SPATA6: variants seen among roughly 807,000 people sequenced by gnomAD.
The protein encoded by SPATA6 is spermatogenesis-associated protein 6.
SPATA6 carries 56 observed loss-of-function variants against 65.3 expected under a neutral mutation model. The ratio of observed to expected loss-of-function variants is 0.86; its 90% CI spans 0.69 to 1.07. SPATA6 has a LOEUF of 1.07. Among genes scored for constraint, SPATA6 ranks in the 50% least tolerant of loss-of-function variants. The pLI is 0.00. For synonymous variants in SPATA6, 199 were observed against 213.2 expected (o/e 0.93, Z 0.58); for missense variants, 590 against 594.8 (o/e 0.99, Z 0.08).
intron 5 of SPATA6, among the ~76,000 whole-genome samples, chr1:48,406,841 G>A (rs1651758743): frequency 6.6e-6 from 1 of 152,128 alleles, no homozygotes. Context: ...AGGTTACTCA[G>A]TTCATCCATG....
chr1:48,357,086 T>C (rs1646682806), intron 10 of SPATA6, among the ~76,000 whole-genome samples: 1 of 152,156 alleles, frequency 6.6e-6, no homozygotes, highest in Non-Finnish European at 1.5e-5. Context: ...TCCACTAGTC[T>C]GTGCTGTGGA....
downstream of SPATA6, among the ~76,000 whole-genome samples, chr1:48,294,357 G>A (rs540941427): frequency 5.9e-5 from 9 of 152,258 alleles, no homozygotes; most frequent in South Asian, 1.0e-3. Flanking sequence ...GATTACAGGC[G>A]TGAGCCACTG....
intron 10 of SPATA6, among the ~76,000 whole-genome samples, chr1:48,357,074 GATCCACTAGT>G (rs1646682547): frequency 6.6e-6 from 1 of 152,080 alleles, no homozygotes; most frequent in Non-Finnish European, 1.5e-5. Flanking sequence ...ACTATTAGAG[GATCCACTAGT>G]CTGTGCTGTG....
At chr1:48,277,919 G>A in the SPATA6 span, among the ~76,000 whole-genome samples, 1 of 152,218 alleles carries the variant, frequency 6.6e-6, no homozygotes, top group Admixed American at 6.5e-5. Flanking sequence ...CAGCCTAACT[G>A]GGAGGCACCC....
At chr1:48,452,508 C>T (rs571307500) in intron 2 of SPATA6, among the ~76,000 whole-genome samples, 4 of 151,926 alleles carry the variant, frequency 2.6e-5, no homozygotes, top group East Asian at 3.9e-4. Flanking sequence ...CTCAGCCTCC[C>T]GAGTAAGTGG....
chr1:48,373,024 G>A (rs1182614243), intron 9 of SPATA6, among the ~76,000 whole-genome samples: 3 of 152,166 alleles, frequency 2.0e-5, no homozygotes, highest in African/African-American at 7.2e-5. Context: ...GACATGACCT[G>A]GAGACATTTT....
rs566664663 is a variant in SPATA6, at chr1:48,326,474, T to C, written c.1195-20596A>G. Among the ~76,000 whole-genome samples, 18 of 147,760 alleles carry C rather than the reference T, an allele frequency of 1.2e-4. No individual in the cohort carries two copies. In the East Asian group the frequency reaches 3.4e-3, roughly 28 times the overall value. ...CACAATTCCTATCCAATTACCAACA[T>C]CATTTTTTAAAGAATTAGAAAAAAT... On this transcript the variant is annotated intron_variant, in intron 11 of 12. Coordinates refer to ENST00000371847, the MANE Select transcript of SPATA6 (RefSeq NM_019073.4).
intron 9 of SPATA6, among the ~76,000 whole-genome samples, chr1:48,362,800 T>G (rs1054175893): frequency 6.6e-6 from 1 of 152,004 alleles, no homozygotes; most frequent in Non-Finnish European, 1.5e-5. Context: ...CAAGAAAAGA[T>G]GAGCAAAGAT....
chr1:48,281,051 T>C, the SPATA6 span, among the ~76,000 whole-genome samples: 1 of 152,236 alleles, frequency 6.6e-6, no homozygotes, highest in Admixed American at 6.5e-5. Context: ...ATAAACATAA[T>C]CCAGCATATA....
At chr1:48,334,463 T>C (rs1244268187) in intron 11 of SPATA6, among the ~76,000 whole-genome samples, 1 of 152,148 alleles carries the variant, frequency 6.6e-6, no homozygotes, top group Non-Finnish European at 1.5e-5. Flanking sequence ...ATCCCTGGGA[T>C]GCAAGGTTAG....
intron 11 of SPATA6, among the ~76,000 whole-genome samples, chr1:48,334,484 G>A (rs1317180849): frequency 6.6e-6 from 1 of 152,070 alleles, no homozygotes; most frequent in Non-Finnish European, 1.5e-5. Context: ...TTCAACATAT[G>A]CAAATCAATA....
rs1644834903 is a variant in SPATA6, at chr1:48,297,408, C to T, written c.*1305G>A. On this transcript the variant is annotated 3_prime_UTR_variant, in exon 13 of 13. Coordinates refer to ENST00000371847, the MANE Select transcript of SPATA6 (RefSeq NM_019073.4). The stretch of plus-strand genomic sequence containing the variant: ...CTGGCTCATAGAGATAGCTCTAATG[C>T]CCTTTCTGATATATCACAGACTGTG... The T allele has an allele frequency of 6.6e-6, 1 of 151,990 alleles. No homozygotes were observed. Among genetic ancestry groups the T allele is most frequent in the African/African-American group, 2.4e-5 (1 of 41,378 alleles). 9.4% of individuals were successfully genotyped at this position (151,990 alleles called of 1,614,324 possible).
intron 9 of SPATA6, among the ~76,000 whole-genome samples, chr1:48,380,252 A>C (rs914259083): frequency 2.6e-5 from 4 of 152,216 alleles, no homozygotes; most frequent in African/African-American, 9.7e-5. Context: ...ATATTTATTA[A>C]CTAACTACTA....
chr1:48,364,409 G>C (rs910501699), intron 9 of SPATA6, among the ~76,000 whole-genome samples: 1 of 152,186 alleles, frequency 6.6e-6, no homozygotes, highest in South Asian at 2.1e-4. Context: ...CTAGTTTACA[G>C]TCCCACCAAC....
chr1:48,436,088 C>G (rs1654912507), intron 3 of SPATA6: 4 of 1,609,824 alleles, frequency 2.5e-6, no homozygotes, highest in Non-Finnish European at 3.4e-6. Context: ...TCCTGGTCAC[C>G]TCCATCCACT....
chr1:48,311,248 A>G (rs928654877), intron 11 of SPATA6, among the ~76,000 whole-genome samples: 11 of 152,166 alleles, frequency 7.2e-5, no homozygotes, highest in African/African-American at 1.7e-4. Context: ...AGAAAACTGG[A>G]TAAAACCAAT....
intron 1 of SPATA6, among the ~76,000 whole-genome samples, chr1:48,459,976 AT>A (rs34243825): frequency 6.7e-5 from 10 of 149,990 alleles, no homozygotes; most frequent in Admixed American, 1.3e-4. Flanking sequence ...TAATTAAGTC[AT>A]TTTTTTTTTA....
the SPATA6 span, among the ~76,000 whole-genome samples, chr1:48,263,619 C>T: frequency 1.3e-5 from 2 of 152,162 alleles, no homozygotes; most frequent in African/African-American, 4.8e-5. Flanking sequence ...GTCCTTCAGA[C>T]TGAAGTCATG....
At chr1:48,348,062 A>C (rs995955369) in intron 11 of SPATA6, among the ~76,000 whole-genome samples, 2 of 151,996 alleles carry the variant, frequency 1.3e-5, no homozygotes, top group African/African-American at 4.8e-5. Context: ...ATTATTAAAT[A>C]CTTTCTCCAC....
Sources: gnomAD v4.1 joint callset for allele counts (sites outside exome capture counted in the v4.1 genomes callset) on GRCh38, gnomAD v4.1.1 for gene constraint, MANE v1.5 for transcripts, NCBI Gene and HGNC (gene_info 2026-07-23, HGNC 2026-07-21) for gene names.